Variants in SNCAIP observed in about 807,000 individuals in gnomAD.
The protein encoded by SNCAIP is synuclein alpha interacting protein.
Under a neutral mutation model 86.7 loss-of-function variants are expected in SNCAIP, and 43 were observed. The observed-to-expected ratio is 0.50, with a 90% CI of 0.39 to 0.64. SNCAIP has a LOEUF of 0.64. SNCAIP is among the 30% of genes least tolerant of loss of function. The pLI is 0.00. For missense variants in SNCAIP, 981 were observed against 1,103.1 expected (o/e 0.89, Z 1.57); for synonymous variants, 417 against 427.2 (o/e 0.98, Z 0.29).
intron 1 of SNCAIP, among the ~76,000 whole-genome samples, chr5:122,366,065 A>T (rs1763124970): frequency 6.6e-6 from 1 of 152,186 alleles, no homozygotes; most frequent in Non-Finnish European, 1.5e-5. Flanking sequence ...AGTCAACATA[A>T]ACAGAAACCA....
chr5:122,333,349 C>T (rs1420839711), intron 1 of SNCAIP, among the ~76,000 whole-genome samples: 1 of 152,144 alleles, frequency 6.6e-6, no homozygotes, highest in African/African-American at 2.4e-5. Context: ...TATTACGGAA[C>T]CTATTTGTTG....
Position 122,312,241 on chromosome 5 carries a change from A to C in SNCAIP, c.-90A>C, listed in dbSNP as rs531899062. Reference sequence around the variant, plus strand: ...GCTGCGGTCCGTCGGTCGGTCAGTCAGTCCCTTCGCGCTCCTGAGCCGCCG... The same window carrying C: ...GCTGCGGTCCGTCGGTCGGTCAGTCCGTCCCTTCGCGCTCCTGAGCCGCCG... On this transcript the variant is annotated 5_prime_UTR_variant, in exon 1 of 11. Transcript: ENST00000261368. 2 of 150,760 alleles carry C rather than the reference A, an allele frequency of 1.3e-5. No individual in the cohort carries two copies. The highest frequency in any genetic ancestry group is 4.9e-5 in the African/African-American group (2 of 41,060). The allele number at this position is 150,760 out of a possible 1,614,324, so 9.3% of individuals were successfully genotyped here.
rs201044603 is a variant in SNCAIP at position 122,319,613 on chromosome 5, GTATTTAATTT to G, written c.-47+7332_-47+7341del. Among the ~76,000 whole-genome samples, 147 of 152,262 alleles carry G rather than the reference GTATTTAATTT, an allele frequency of 9.7e-4. No individual in the cohort carries two copies. In the East Asian group the frequency reaches 0.024, roughly 25 times the overall value. ...AAGATGTCCACACATACCCCGCTTT[GTATTTAATTT>G]TAGGGATTTCAAGGATCCATTGAAT... On this transcript the variant is annotated intron_variant, in intron 1 of 10. Coordinates refer to ENST00000261368, the MANE Select transcript of SNCAIP (RefSeq NM_005460.4).
At chr5:122,460,735 A>C (rs550197168) in intron 10 of SNCAIP, among the ~76,000 whole-genome samples, 6 of 152,300 alleles carry the variant, frequency 3.9e-5, no homozygotes, top group African/African-American at 1.4e-4. Context: ...TATGTTTGCC[A>C]TGGAAATAAT....
At chr5:122,442,286 A>G (rs77184268) in intron 7 of SNCAIP, among the ~76,000 whole-genome samples, 1 of 152,120 alleles carries the variant, frequency 6.6e-6, no homozygotes, top group East Asian at 1.9e-4. Flanking sequence ...GGTAGAGGAG[A>G]CTTGGGAAAT....
At chr5:122,431,544 T>C in intron 5 of SNCAIP, among the ~76,000 whole-genome samples, 1 of 152,242 alleles carries the variant, frequency 6.6e-6, no homozygotes, top group African/African-American at 2.4e-5. Flanking sequence ...AGTGGTTGTT[T>C]GGGACAAATG....
At chr5:122,328,257 G>GT (rs1447595694) in intron 1 of SNCAIP, among the ~76,000 whole-genome samples, 1 of 152,100 alleles carries the variant, frequency 6.6e-6, no homozygotes, top group East Asian at 1.9e-4. Flanking sequence ...ACCTGTGTTG[G>GT]TGACTTCCAA....
intron 10 of SNCAIP, 90 bp downstream of exon 10, chr5:122,451,691 A>G: frequency 2.0e-6 from 2 of 996,756 alleles, no homozygotes; most frequent in Non-Finnish European, 3.0e-6. Context: ...CACTACCTTG[A>G]GGGAATCCCC....
At chr5:122,355,946 C>A (rs1017987202) in intron 1 of SNCAIP, among the ~76,000 whole-genome samples, 1 of 152,024 alleles carries the variant, frequency 6.6e-6, no homozygotes. Context: ...GGTCTATACC[C>A]CAACTCTCCT....
In SNCAIP at chr5:122,427,287, A is replaced by G. The variant is rs1050438147; in HGVS notation, c.1182+1756A>G. Among the ~76,000 whole-genome samples the G allele has an allele frequency of 2.6e-5, 4 of 152,126 alleles. No homozygotes were observed. The East Asian group carries it at 7.7e-4, about 29-fold the overall frequency. ...CTTCAGCATAAACACCTTCTATGAT[A>G]TCCATATTAAGTTTCAATTCATTCT... On this transcript the variant is annotated intron_variant, in intron 5 of 10. Transcript: ENST00000261368.
At chr5:122,328,298 C>G (rs979705350) in intron 1 of SNCAIP, among the ~76,000 whole-genome samples, 3 of 152,182 alleles carry the variant, frequency 2.0e-5, no homozygotes, top group Non-Finnish European at 4.4e-5. Flanking sequence ...GCTAGAGATC[C>G]TCTTTGTCTT....
intron 1 of SNCAIP, among the ~76,000 whole-genome samples, chr5:122,336,359 T>G (rs545618944): frequency 4.4e-4 from 67 of 152,332 alleles, no homozygotes; most frequent in African/African-American, 1.5e-3. Context: ...CTAGGGGACT[T>G]GTCCAAGATC....
chr5:122,320,712 G>C (rs3885686), intron 1 of SNCAIP, among the ~76,000 whole-genome samples: 28,350 of 152,042 alleles, frequency 0.19, 2,702 homozygotes, highest in South Asian at 0.3. Context: ...CTCAGTCCCC[G>C]CTTTGCAGAT....
intron 6 of SNCAIP, 122 bp from the exon 7 acceptor site, chr5:122,440,507 T>C: frequency 1.1e-6 from 1 of 910,004 alleles, no homozygotes; most frequent in Non-Finnish European, 1.8e-6. Context: ...GAGAATTTTC[T>C]CTTGCTACGG....
intron 1 of SNCAIP, among the ~76,000 whole-genome samples, chr5:122,351,570 CTAAT>C (rs368643431): frequency 2.1e-3 from 138 of 65,514 alleles, no homozygotes; most frequent in Middle Eastern, 0.011. Context: ...AAAAAAAGAA[CTAAT>C]TAAAGACATG....
intron 2 of SNCAIP, among the ~76,000 whole-genome samples, chr5:122,394,184 C>T (rs970827091): frequency 6.6e-6 from 1 of 151,950 alleles, no homozygotes; most frequent in African/African-American, 2.4e-5. Context: ...GCACATTACA[C>T]CTGAAAAATA....
chr5:122,457,511 C>CA (rs1291070867), intron 10 of SNCAIP, among the ~76,000 whole-genome samples: 6 of 152,138 alleles, frequency 3.9e-5, no homozygotes, highest in African/African-American at 1.2e-4. Context: ...TGTGCTCTCC[C>CA]ACAGTGTACC....
At chr5:122,403,685 A>G (rs1274524654) in intron 2 of SNCAIP, 108 bp from the exon 3 acceptor site, 2 of 889,056 alleles carry the variant, frequency 2.2e-6, no homozygotes, top group Non-Finnish European at 3.8e-6. Context: ...CTGAATATAC[A>G]TGTTGTGCCC....
chr5:122,444,415 C>T, intron 7 of SNCAIP, 148 bp from the exon 8 acceptor site: 1 of 754,644 alleles, frequency 1.3e-6, no homozygotes, highest in Non-Finnish European at 2.4e-6. Flanking sequence ...TCTGCTACAT[C>T]ATCATAGACT....
Sources: allele counts gnomAD v4.1 joint callset (sites outside exome capture counted in the v4.1 genomes callset), GRCh38; gene constraint gnomAD v4.1.1; transcripts MANE v1.5; gene names NCBI Gene and HGNC (gene_info 2026-07-23, HGNC 2026-07-21).